Variants in ADGRG6 observed in about 807,000 individuals in gnomAD.
The protein encoded by ADGRG6 is G-protein coupled receptor 126.
In ADGRG6, 84 loss-of-function variants were observed where a neutral mutation model predicts 142.4. The ratio of observed to expected loss-of-function variants is 0.59; its 90% confidence interval spans 0.49 to 0.71. The LOEUF (loss-of-function observed/expected upper bound fraction) is 0.71, where lower values mean the gene tolerates loss of function less well. Among genes scored for constraint, ADGRG6 ranks in the 30% least tolerant of loss-of-function variants. The probability of loss-of-function intolerance (pLI) is 0.00; values close to 1 mark genes in which losing one functional copy is unlikely to be tolerated. For missense variants in ADGRG6, 1,367 were observed against 1,466.6 expected, an observed-to-expected ratio of 0.93 and a Z score of 1.11; for synonymous variants, 521 against 520.5, an observed-to-expected ratio of 1.00 and a Z score of -0.01.
chr6:142,325,936 A>G (rs1778754748), intron 2 of ADGRG6, among the ~76,000 whole-genome samples: 1 of 152,078 alleles, frequency 6.6e-6, no homozygotes, highest in Non-Finnish European at 1.5e-5. Context: ...GAAGATATTC[A>G]TTTAAAACTA....
chr6:142,396,183 C>T (rs1334470168), intron 9 of ADGRG6, among the ~76,000 whole-genome samples: 2 of 152,180 alleles, frequency 1.3e-5, no homozygotes, highest in Non-Finnish European at 2.9e-5. Flanking sequence ...GCTGTAAGTT[C>T]TCACCAACTG....
chr6:142,334,322 C>T (rs907569539), intron 2 of ADGRG6, among the ~76,000 whole-genome samples: 1 of 152,156 alleles, frequency 6.6e-6, no homozygotes, highest in African/African-American at 2.4e-5. Context: ...CAAAACTACT[C>T]CACATTGCCA....
At chr6:142,426,991 T>G (rs371103740) in intron 22 of ADGRG6, among the ~76,000 whole-genome samples, 4 of 152,110 alleles carry the variant, frequency 2.6e-5, no homozygotes, top group African/African-American at 9.7e-5. Context: ...CACTTTTTCC[T>G]CCTAGGCCTC....
Position 142,370,594 on chromosome 6 carries a change from A to T in ADGRG6, c.870A>T (p.Lys290Asn), listed in dbSNP as rs1781194238. Residue 290 changes from lysine to asparagine, a missense_variant, in exon 4 of 25, where the codon AAA becomes AAT. By Grantham distance (94) the Lys-to-Asn change is moderately conservative. Transcript: ENST00000367609. Reference protein sequence around the residue: ...TISKVIPGNGKLLLGSNQNEI... With the variant: ...TISKVIPGNGNLLLGSNQNEI... Reference sequence around the variant, plus strand: ...GTAAAGTTATTCCTGGGAATGGGAAATTGTTGTTGGGCTCCAATCAAAATG... The same window carrying T: ...GTAAAGTTATTCCTGGGAATGGGAATTTGTTGTTGGGCTCCAATCAAAATG... The T allele has an allele frequency of 6.2e-7, 1 of 1,612,580 alleles. No individual in the cohort carries two copies. The highest frequency in any genetic ancestry group is 8.5e-7 in the Non-Finnish European group (1 of 1,178,722).
intron 2 of ADGRG6, among the ~76,000 whole-genome samples, chr6:142,329,757 A>G (rs1479253983): frequency 6.6e-6 from 1 of 152,282 alleles, no homozygotes; most frequent in African/African-American, 2.4e-5. Flanking sequence ...TGGTGTACAA[A>G]TACTTCAGTA....
At position 142,367,836 on chromosome 6, in the gene ADGRG6, C is replaced by A. The variant is rs377682546; in HGVS notation, c.371C>A (p.Ala124Glu). ...TAKGLSFNSSANEMHVSFSSD... is the reference protein window; with the variant it reads ...TAKGLSFNSSENEMHVSFSSD... ...AAAGGCCTATCATTTAACTCAAGTG[C>A]GAATGAGATGCATGTGTCCTTTTCA... Residue 124 changes from alanine to glutamate, a missense_variant, in exon 3 of 25, where the codon GCG (alanine) becomes GAG (glutamate). Physicochemically the swap from Ala to Glu is moderately radical, Grantham distance 107 (BLOSUM62 -1). Transcript: ENST00000367609. 5.0e-6 allele frequency: 8 copies of A among 1,613,376 alleles called. No individual in the cohort carries two copies. The African/African-American group carries it at 8.0e-5, about 16-fold the overall frequency.
chr6:142,403,072 T>C (rs1042230323), intron 13 of ADGRG6, among the ~76,000 whole-genome samples: 2 of 151,942 alleles, frequency 1.3e-5, no homozygotes, highest in African/African-American at 4.8e-5. Context: ...CAGTCTTTCA[T>C]TTTTTATTTG....
intron 18 of ADGRG6, among the ~76,000 whole-genome samples, chr6:142,411,873 G>C (rs1052397783): frequency 6.6e-5 from 10 of 152,058 alleles, no homozygotes; most frequent in Non-Finnish European, 1.2e-4. Flanking sequence ...CTTTGTACCT[G>C]GTACTGCACC....
At position 142,400,321 on chromosome 6, in the gene ADGRG6, A is replaced by AT. The variant is rs202107530; in HGVS notation, c.1568-153dup. ...ATGTTAATGTTTTTTCTAACTTCTA[A>AT]TTTTTTTTTTTACAAATTCTGAAGA... is the stretch of plus-strand genomic sequence containing the variant. On this transcript the variant is annotated intron_variant, in intron 10 of 24. Transcript: ENST00000367609. 8.7e-4 allele frequency among the ~76,000 whole-genome samples: 129 copies of AT among 148,430 alleles called. 1 individual carries two copies. Among genetic ancestry groups the AT allele is most frequent in the South Asian group, 7.7e-3 (36 of 4,688 alleles).
At chr6:142,388,401 A>AG (rs1347420956) in intron 6 of ADGRG6, among the ~76,000 whole-genome samples, 1 of 152,152 alleles carries the variant, frequency 6.6e-6, no homozygotes, top group Non-Finnish European at 1.5e-5. Flanking sequence ...AGCATGCTTT[A>AG]GGTTTCCATC....
At chr6:142,416,612 G>T (rs1222758314) in intron 20 of ADGRG6, among the ~76,000 whole-genome samples, 3 of 152,076 alleles carry the variant, frequency 2.0e-5, no homozygotes, top group Non-Finnish European at 4.4e-5. Flanking sequence ...ATTTTTGCAG[G>T]CTTCATATTG....
At chr6:142,414,659 C>G (rs1047480252) in intron 18 of ADGRG6, among the ~76,000 whole-genome samples, 3 of 152,146 alleles carry the variant, frequency 2.0e-5, no homozygotes. Flanking sequence ...GCAACCGTCT[C>G]CTCTCCAATT....
At chr6:142,405,350 C>T (rs1247253606) in intron 14 of ADGRG6, 4 of 467,340 alleles carry the variant, frequency 8.6e-6, no homozygotes, top group Non-Finnish European at 1.7e-5. Context: ...TAGTTATTAT[C>T]TTTCACTACG....
At chr6:142,361,637 G>A (rs1446335893) in intron 2 of ADGRG6, among the ~76,000 whole-genome samples, 1 of 152,152 alleles carries the variant, frequency 6.6e-6, no homozygotes, top group Admixed American at 6.6e-5. Flanking sequence ...TATCAACTGA[G>A]TTCAGAGGCC....
In ADGRG6 at chr6:142,402,705, G is replaced by C. The variant is rs373226265; in HGVS notation, c.1830G>C (p.Val610=). 1.5e-5 allele frequency: 24 copies of C among 1,606,536 alleles called. No homozygotes were observed. The highest frequency in any genetic ancestry group is 1.3e-4 in the East Asian group (6 of 44,702). ...NLTSANITNI[V]EQVKRIVNKE... is the part of the protein sequence containing the mutation. ...CCTCAGCCAATATTACCAACATTGT[G>C]GAACAGGTCAAAAGAATTGTGAATA... is the stretch of plus-strand genomic sequence containing the variant. The change falls in exon 13 of 25, where the codon GTG becomes GTC. Residue 610 remains valine (V), a synonymous_variant. Transcript: ENST00000367609.
chr6:142,348,682 A>T (rs1246688912), intron 2 of ADGRG6, among the ~76,000 whole-genome samples: 1 of 151,852 alleles, frequency 6.6e-6, no homozygotes, highest in Non-Finnish European at 1.5e-5. Flanking sequence ...TGGTTTACTG[A>T]AATTTATGTT....
intron 2 of ADGRG6, among the ~76,000 whole-genome samples, chr6:142,367,333 T>G (rs1780989159): frequency 6.6e-6 from 1 of 152,182 alleles, no homozygotes; most frequent in Non-Finnish European, 1.5e-5. Context: ...CTGTATAACC[T>G]CCCAAATTTA....
intron 14 of ADGRG6, among the ~76,000 whole-genome samples, chr6:142,405,014 A>G (rs951567550): frequency 3.9e-5 from 6 of 152,246 alleles, no homozygotes. Context: ...GGGAGAGTAT[A>G]GTATGTGAAG....
At chr6:142,432,994 C>A (rs967408294) in intron 22 of ADGRG6, among the ~76,000 whole-genome samples, 1 of 152,194 alleles carries the variant, frequency 6.6e-6, no homozygotes, top group Non-Finnish European at 1.5e-5. Context: ...GGCCCTCTAA[C>A]GAATAATACC....
Sources: gnomAD v4.1 joint callset for allele counts (sites outside exome capture counted in the v4.1 genomes callset) on GRCh38, gnomAD v4.1.1 for gene constraint, MANE v1.5 for transcripts, NCBI Gene and HGNC (gene_info 2026-07-23, HGNC 2026-07-21) for gene names.